Variants in ASTN2 observed in about 807,000 individuals in gnomAD.
ASTN2 encodes astrotactin-2.
Under a neutral mutation model 139.8 loss-of-function variants are expected in ASTN2, and 54 were observed. The observed-to-expected ratio is 0.39, with a 90% CI of 0.31 to 0.48. The LOEUF is 0.48. Ranked by LOEUF, ASTN2 falls within the 20% of genes least tolerant of loss-of-function variation. The probability of loss-of-function intolerance (pLI) is 0.95; values close to 1 mark genes in which losing one functional copy is unlikely to be tolerated. For synonymous variants in ASTN2, 756 were observed against 719.5 expected (o/e 1.05, Z -0.81); for missense variants, 1,565 against 1,725.1 (o/e 0.91, Z 1.64).
At chr9:116,777,946 A>G (rs1226236673) in intron 13 of ASTN2, among the ~76,000 whole-genome samples, 2 of 151,924 alleles carry the variant, frequency 1.3e-5, no homozygotes, top group Non-Finnish European at 2.9e-5. Flanking sequence ...GGGTTCAAGC[A>G]ATTCTCCCGC....
At chr9:117,037,573 G>A (rs1196378701) in intron 6 of ASTN2, among the ~76,000 whole-genome samples, 1 of 152,138 alleles carries the variant, frequency 6.6e-6, no homozygotes, top group East Asian at 1.9e-4. Flanking sequence ...TCCAAAGCCT[G>A]TGCTCTTAGC....
At chr9:116,532,968 A>G (rs1003166992) in intron 19 of ASTN2, among the ~76,000 whole-genome samples, 11 of 152,052 alleles carry the variant, frequency 7.2e-5, no homozygotes, top group African/African-American at 2.7e-4. Flanking sequence ...GCCATTTTGC[A>G]ATATTGATTC....
chr9:117,378,781 A>C (rs759435277), intron 1 of ASTN2, among the ~76,000 whole-genome samples: 2 of 152,148 alleles, frequency 1.3e-5, no homozygotes, highest in Non-Finnish European at 2.9e-5. Flanking sequence ...TGTCTTAGAT[A>C]TGTTTTAGAT....
chr9:116,503,191 A>C (rs1849962763), intron 19 of ASTN2, among the ~76,000 whole-genome samples: 2 of 150,006 alleles, frequency 1.3e-5, no homozygotes, highest in Non-Finnish European at 3.0e-5. Context: ...GGAGGGAGGA[A>C]GGAAGGAAGG....
chr9:116,803,385 A>G (rs368494960), intron 13 of ASTN2, among the ~76,000 whole-genome samples: 44 of 147,374 alleles, frequency 3.0e-4, no homozygotes, highest in African/African-American at 9.6e-4. Context: ...GCATGATCAT[A>G]GCTCACTGTA....
At chr9:116,509,180 C>T (rs1418624628) in intron 19 of ASTN2, among the ~76,000 whole-genome samples, 1 of 152,100 alleles carries the variant, frequency 6.6e-6, no homozygotes, top group Non-Finnish European at 1.5e-5. Flanking sequence ...CACGACAGGC[C>T]CTGGCGTGTG....
At chr9:117,073,457 T>G (rs1220878864) in intron 5 of ASTN2, among the ~76,000 whole-genome samples, 1 of 152,190 alleles carries the variant, frequency 6.6e-6, no homozygotes, top group Non-Finnish European at 1.5e-5. Context: ...TGAGACCCTC[T>G]TCTGGATCCC....
At chr9:116,835,022 C>T (rs187024231) in intron 11 of ASTN2, among the ~76,000 whole-genome samples, 29 of 152,062 alleles carry the variant, frequency 1.9e-4, no homozygotes, top group African/African-American at 5.3e-4. Context: ...ATACTCCAGA[C>T]GACAGAGCAA....
At chr9:117,080,787 C>G (rs767433481) in intron 5 of ASTN2, among the ~76,000 whole-genome samples, 11 of 152,078 alleles carry the variant, frequency 7.2e-5, no homozygotes, top group Non-Finnish European at 1.3e-4. Flanking sequence ...CAGACAGAAG[C>G]CTAGGAAGGA....
intron 3 of ASTN2, among the ~76,000 whole-genome samples, chr9:117,143,747 T>A (rs1429179935): frequency 1.3e-5 from 2 of 151,550 alleles, no homozygotes; most frequent in Non-Finnish European, 2.9e-5. Context: ...GGCTTACAGA[T>A]GGCCACCTTC....
intron 1 of ASTN2, among the ~76,000 whole-genome samples, chr9:117,298,435 C>A (rs1159458655): frequency 6.6e-6 from 1 of 152,088 alleles, no homozygotes; most frequent in African/African-American, 2.4e-5. Flanking sequence ...TGTTTTTGGG[C>A]AAGCTCTTCG....
Position 116,660,168 on chromosome 9 carries a change from GCACA to G in ASTN2, c.2807-8379_2807-8376del, listed in dbSNP as rs3041004. On this transcript the variant is annotated intron_variant, in intron 16 of 22. Transcript: ENST00000313400. ...TATGTGTTGTGTTCATATTGCAAGC[GCACA>G]CACACACACACACACACACACACAC... Among the ~76,000 whole-genome samples the G allele has an allele frequency of 3.5e-3, 508 of 146,678 alleles. 2 individuals are homozygous for G. The highest frequency in any genetic ancestry group is 6.4e-3 in the African/African-American group (257 of 39,982).
At position 117,273,318 on chromosome 9, in the gene ASTN2, C is replaced by T. The variant is rs12686714; in HGVS notation, c.630+18008G>A. On this transcript the variant is annotated intron_variant, in intron 2 of 22. Coordinates refer to ENST00000313400, the MANE Select transcript of ASTN2 (RefSeq NM_001365068.1). ...CAACACATGGGAATTCTGGAAGATA[C>T]AATTCAAGTTGAGATTTGGGTAGGA... 4.5e-3 allele frequency among the ~76,000 whole-genome samples: 680 copies of T among 152,286 alleles called. 32 individuals carry two copies. In the East Asian group the frequency reaches 0.1, roughly 23 times the overall value.
chr9:116,658,948 G>A (rs1336884430), intron 16 of ASTN2, among the ~76,000 whole-genome samples: 1 of 151,962 alleles, frequency 6.6e-6, no homozygotes, highest in African/African-American at 2.4e-5. Context: ...GTAAAATATC[G>A]ATGGTGCTGC....
At chr9:116,791,757 C>T (rs933191867) in intron 13 of ASTN2, among the ~76,000 whole-genome samples, 3 of 152,142 alleles carry the variant, frequency 2.0e-5, no homozygotes, top group African/African-American at 7.2e-5. Flanking sequence ...AATGAAATTG[C>T]GCTTCTTTAA....
intron 16 of ASTN2, among the ~76,000 whole-genome samples, chr9:116,695,070 C>G (rs1421903541): frequency 6.6e-6 from 1 of 152,046 alleles, no homozygotes; most frequent in African/African-American, 2.4e-5. Flanking sequence ...GCAGCATTCC[C>G]CAGAGCGTGG....
At chr9:116,565,427 ATATTTATTTATTTAT>A (rs1853178681) in intron 19 of ASTN2, among the ~76,000 whole-genome samples, 1 of 74,020 alleles carries the variant, frequency 1.4e-5, no homozygotes, top group African/African-American at 5.6e-5. Context: ...ATATATATAT[ATATTTATTTATTTAT>A]TTTGAGACAG....
At position 116,977,243 on chromosome 9, in the gene ASTN2, C is replaced by T. The variant is rs149504082; in HGVS notation, c.1592-458G>A. On this transcript the variant is annotated intron_variant, in intron 7 of 22. Coordinates refer to ENST00000313400, the MANE Select transcript of ASTN2 (RefSeq NM_001365068.1). ...CATCCATAAATCCCAAGTTAAATGCCGCTATCTCCAAGAAACCTTTGATTT... is the reference window on the plus strand; with the variant it reads ...CATCCATAAATCCCAAGTTAAATGCTGCTATCTCCAAGAAACCTTTGATTT... 1.2e-3 allele frequency among the ~76,000 whole-genome samples: 179 copies of T among 152,264 alleles called. 1 individual carries two copies. Among genetic ancestry groups the T allele is most frequent in the African/African-American group, 3.7e-3 (154 of 41,540 alleles).
At chr9:116,897,766 A>T (rs888409450) in intron 10 of ASTN2, among the ~76,000 whole-genome samples, 3 of 152,038 alleles carry the variant, frequency 2.0e-5, no homozygotes, top group East Asian at 1.9e-4. Flanking sequence ...GACACCATTT[A>T]AAAAAAACAA....
Sources: gnomAD v4.1 joint callset for allele counts (sites outside exome capture counted in the v4.1 genomes callset) on GRCh38, gnomAD v4.1.1 for gene constraint, MANE v1.5 for transcripts, NCBI Gene and HGNC (gene_info 2026-07-23, HGNC 2026-07-21) for gene names.